COL5A2: variants seen among roughly 807,000 people sequenced by gnomAD.
COL5A2 encodes the protein collagen type V alpha 2 chain.
Under a neutral mutation model 208.2 loss-of-function variants are expected in COL5A2, and 23 were observed. The observed-to-expected ratio is 0.11, with a 90% CI of 0.08 to 0.16. The LOEUF (loss-of-function observed/expected upper bound fraction) is 0.16. COL5A2 is among the 10% of genes least tolerant of loss of function. The pLI is 1.00. For missense variants in COL5A2, 1,590 were observed against 1,956.4 expected, an observed-to-expected ratio of 0.81 and a Z score of 3.53; for synonymous variants, 625 against 628.5, an observed-to-expected ratio of 0.99 and a Z score of 0.08.
At chr2:189,127,862 T>C (rs944487955) in intron 1 of COL5A2, among the ~76,000 whole-genome samples, 5 of 151,986 alleles carry the variant, frequency 3.3e-5, no homozygotes, top group African/African-American at 1.2e-4. Flanking sequence ...CTACATTATA[T>C]TGACAAAAAT....
the COL5A2 span, among the ~76,000 whole-genome samples, chr2:189,266,425 C>CAA: frequency 7.5e-6 from 1 of 134,228 alleles, no homozygotes; most frequent in East Asian, 2.1e-4. Flanking sequence ...GACTTCATCT[C>CAA]AAAAAAAAAA....
chr2:189,221,936 T>A (rs1689351395), intron 1 of COL5A2, among the ~76,000 whole-genome samples: 1 of 152,074 alleles, frequency 6.6e-6, no homozygotes, highest in African/African-American at 2.4e-5. Flanking sequence ...GATTTAAATC[T>A]AAGGATATTT....
chr2:189,379,810 C>T, the COL5A2 span, among the ~76,000 whole-genome samples: 5 of 152,148 alleles, frequency 3.3e-5, no homozygotes, highest in African/African-American at 4.8e-5. Flanking sequence ...ACTCTACATT[C>T]TAAGAGACTC....
intron 1 of COL5A2, among the ~76,000 whole-genome samples, chr2:189,156,025 C>A (rs1447513543): frequency 6.6e-6 from 1 of 152,172 alleles, no homozygotes; most frequent in Non-Finnish European, 1.5e-5. Flanking sequence ...ACATCTTCCG[C>A]CTCTTTCTTT....
At chr2:189,284,902 G>T in the COL5A2 span, among the ~76,000 whole-genome samples, 7 of 152,086 alleles carry the variant, frequency 4.6e-5, no homozygotes, top group African/African-American at 1.7e-4. Flanking sequence ...TGTGGCACAT[G>T]ACTGTATAAG....
At chr2:189,291,305 G>A in the COL5A2 span, among the ~76,000 whole-genome samples, 1 of 152,194 alleles carries the variant, frequency 6.6e-6, no homozygotes, top group African/African-American at 2.4e-5. Flanking sequence ...AAGTTTCGCT[G>A]CCGGTTTCTG....
intron 17 of COL5A2, among the ~76,000 whole-genome samples, chr2:189,073,380 T>C (rs1280068577): frequency 6.6e-6 from 1 of 152,140 alleles, no homozygotes; most frequent in East Asian, 1.9e-4. Flanking sequence ...TAGAAAACAT[T>C]TTATAAATAT....
At chr2:189,410,983 A>T in the COL5A2 span, among the ~76,000 whole-genome samples, 46 of 152,116 alleles carry the variant, frequency 3.0e-4, no homozygotes, top group Non-Finnish European at 5.4e-4. Context: ...ATCTGGCCTC[A>T]TCCTTTCTTT....
chr2:189,038,429 C>T (rs1278482634), intron 51 of COL5A2, among the ~76,000 whole-genome samples: 1 of 152,098 alleles, frequency 6.6e-6, no homozygotes, highest in Non-Finnish European at 1.5e-5. Flanking sequence ...TCCAATCTAC[C>T]ATTGATGGGC....
the COL5A2 span, among the ~76,000 whole-genome samples, chr2:189,349,140 A>G: frequency 1.3e-5 from 2 of 152,194 alleles, no homozygotes; most frequent in Non-Finnish European, 2.9e-5. Context: ...ATATTATAAC[A>G]TAATTGTGTC....
the COL5A2 span, among the ~76,000 whole-genome samples, chr2:189,334,208 G>A: frequency 2.0e-5 from 3 of 152,040 alleles, no homozygotes; most frequent in African/African-American, 7.2e-5. Flanking sequence ...CTGGGAACAA[G>A]GTAGGGTGTC....
intron 16 of COL5A2, 65 bp from the exon 17 acceptor site, chr2:189,075,502 T>C: frequency 3.0e-6 from 4 of 1,347,190 alleles, no homozygotes; most frequent in Non-Finnish European, 4.2e-6. Context: ...TTCTCTTATT[T>C]GCCTTATAAA....
At chr2:189,157,642 T>A (rs964608825) in intron 1 of COL5A2, among the ~76,000 whole-genome samples, 5 of 152,008 alleles carry the variant, frequency 3.3e-5, no homozygotes, top group Admixed American at 6.6e-5. Flanking sequence ...AAGATTGGAA[T>A]GTAATGTTTT....
At chr2:189,191,163 C>CCAAAAAAAAA (rs748055610) in intron 1 of COL5A2, among the ~76,000 whole-genome samples, 4 of 72,314 alleles carry the variant, frequency 5.5e-5, no homozygotes, top group South Asian at 4.6e-4. Context: ...AAAAAACAAA[C>CCAAAAAAAAA]AAACAACAAA....
At chr2:189,350,730 T>C in the COL5A2 span, among the ~76,000 whole-genome samples, 1 of 152,212 alleles carries the variant, frequency 6.6e-6, no homozygotes, top group African/African-American at 2.4e-5. Flanking sequence ...CTTTACAGCA[T>C]GTTCCCAATG....
At chr2:189,403,627 A>C in the COL5A2 span, among the ~76,000 whole-genome samples, 36 of 152,312 alleles carry the variant, frequency 2.4e-4, 1 homozygote, top group African/African-American at 7.0e-4. Context: ...TTTAACATTA[A>C]GGGATGTTGA....
At chr2:189,097,385 T>G (rs772074131) in intron 5 of COL5A2, 55 bp from the exon 6 acceptor site, 2 of 1,582,942 alleles carry the variant, frequency 1.3e-6, no homozygotes, top group South Asian at 2.2e-5. Flanking sequence ...CTTATTGAAT[T>G]TTTAAAAGTC....
At chr2:189,206,201 T>G (rs13015183) in intron 1 of COL5A2, among the ~76,000 whole-genome samples, 112,768 of 152,114 alleles carry the variant, frequency 0.74, 44,295 homozygotes, top group Non-Finnish European at 0.87. Flanking sequence ...GGAAGGGCAG[T>G]GAGTTACCAT....
intron 1 of COL5A2, among the ~76,000 whole-genome samples, chr2:189,144,361 G>A (rs1425981998): frequency 6.6e-6 from 1 of 152,056 alleles, no homozygotes; most frequent in East Asian, 1.9e-4. Context: ...TCTTCTCAAA[G>A]GAGAGGGGAG....
Sources: gnomAD v4.1 joint callset for allele counts (sites outside exome capture counted in the v4.1 genomes callset) on GRCh38, gnomAD v4.1.1 for gene constraint, MANE v1.5 for transcripts, NCBI Gene and HGNC (gene_info 2026-07-23, HGNC 2026-07-21) for gene names.